Variants in ZAR1L observed in about 807,000 individuals in gnomAD.
The protein encoded by ZAR1L is zygote arrest 1 like.
A neutral mutation model predicts 30.0 loss-of-function variants in ZAR1L; 16 were observed. The ratio of observed to expected loss-of-function variants is 0.53; its 90% CI spans 0.36 to 0.81. ZAR1L has a LOEUF of 0.81. ZAR1L is among the 30% of genes least tolerant of loss of function. The pLI is 0.00. For missense variants in ZAR1L, 392 were observed against 417.2 expected, an observed-to-expected ratio of 0.94 and a Z score of 0.53; for synonymous variants, 197 against 166.8, an observed-to-expected ratio of 1.18 and a Z score of -1.40.
intron 4 of ZAR1L, among the ~76,000 whole-genome samples, chr13:32,309,581 T>G (rs1397435359): frequency 6.6e-6 from 1 of 152,230 alleles, no homozygotes; most frequent in Non-Finnish European, 1.5e-5. Flanking sequence ...AAATCCTGCT[T>G]GGACATCAAG....
intron 2 of ZAR1L, among the ~76,000 whole-genome samples, chr13:32,313,215 G>A (rs1264320317): frequency 6.6e-6 from 1 of 152,124 alleles, no homozygotes; most frequent in East Asian, 1.9e-4. Flanking sequence ...GAAATTTCAG[G>A]TGCTCTCACC....
intron 5 of ZAR1L, among the ~76,000 whole-genome samples, chr13:32,305,658 G>A (rs546480128): frequency 1.3e-5 from 2 of 152,292 alleles, no homozygotes; most frequent in Non-Finnish European, 2.9e-5. Flanking sequence ...AATAAAATAA[G>A]GATTTACCCT....
chr13:32,311,549 G>A lies in ZAR1L; in HGVS notation c.377C>T (p.Pro126Leu). 7 of 1,533,324 alleles carry A rather than the reference G, an allele frequency of 4.6e-6. No individual in the cohort carries two copies. Among genetic ancestry groups the A allele is most frequent in the Non-Finnish European group, 3.5e-6 (4 of 1,138,922 alleles). 95.0% of individuals were successfully genotyped at this position (1,533,324 alleles called of 1,614,324 possible). The change falls in exon 3 of 6, where the codon CCC becomes CTC. Residue 126 changes from proline to leucine, a missense_variant. Transcript: ENST00000533490. ...SPWDGRDPQEPLPACGVTSPA... is the reference protein window; with the variant it reads ...SPWDGRDPQELLPACGVTSPA... ...CGAAGTGACCCCACAGGCTGGCAGG[G>A]GCTCCTGGGGGTCTCTGCCGTCCCA...
At chr13:32,306,599 T>C (rs2072176979) in intron 5 of ZAR1L, among the ~76,000 whole-genome samples, 1 of 152,160 alleles carries the variant, frequency 6.6e-6, no homozygotes, top group South Asian at 2.1e-4. Flanking sequence ...ATTTCCAACC[T>C]AGAAATTCTA....
At chr13:32,310,567 G>T in intron 4 of ZAR1L, 72 bp downstream of exon 4, 1 of 1,034,234 alleles carries the variant, frequency 9.7e-7, no homozygotes, top group Non-Finnish European at 1.5e-6. Context: ...GCTCCCTCAG[G>T]AATCAGATTC....
chr13:32,309,149 C>A (rs575998736), intron 4 of ZAR1L, among the ~76,000 whole-genome samples: 11 of 151,978 alleles, frequency 7.2e-5, no homozygotes, highest in Non-Finnish European at 1.2e-4. Context: ...CGCCACCACA[C>A]CCGGCTAATT....
chr13:32,311,902 G>A lies in ZAR1L; in HGVS notation c.24C>T (p.Pro8=), dbSNP rs2072217067. 6.4e-7 allele frequency: 1 copy of A among 1,550,922 alleles called. No individual in the cohort carries two copies. The highest frequency in any genetic ancestry group is 1.2e-5 in the South Asian group (1 of 84,016). The change falls in exon 3 of 6, where the codon CCC becomes CCT. Residue 8 remains proline (P), a synonymous_variant. Coordinates refer to ENST00000533490, the MANE Select transcript of ZAR1L (RefSeq NM_001136571.2). MERFVRV[P]YGLYQGYGST... Reference sequence around the variant, plus strand: ...TCCCATAACCCTGGTACAAGCCATAGGGAACACGGACAAAGCGCTCCATCC... The same window carrying A: ...TCCCATAACCCTGGTACAAGCCATAAGGAACACGGACAAAGCGCTCCATCC...
At position 32,312,135 on chromosome 13, in the gene ZAR1L, C is replaced by T. The variant is rs117143116; in HGVS notation, c.-168-42G>A. On this transcript the variant is annotated intron_variant, in intron 2 of 5. Transcript: ENST00000533490. ...AGCTCTATCTACAGATGTCTAATTG[C>T]CACCTGATTCCTACCTAATTGCTTT... 2,846 of 558,644 alleles carry T rather than the reference C, an allele frequency of 5.1e-3. 15 individuals are homozygous for T. Among genetic ancestry groups the T allele is most frequent in the Non-Finnish European group, 7.0e-3 (2,328 of 331,486 alleles). 34.6% of individuals were successfully genotyped at this position (558,644 alleles called of 1,614,324 possible).
In ZAR1L at chr13:32,303,892, T is replaced by C. The variant is rs985199941; in HGVS notation, c.953A>G (p.Lys318Arg). 1 of 1,551,718 alleles carries C rather than the reference T, an allele frequency of 6.4e-7. No homozygotes were observed. The highest frequency in any genetic ancestry group is 8.7e-7 in the Non-Finnish European group (1 of 1,146,980). ...RFSCGNIYSF[K>R]YVM The stretch of plus-strand genomic sequence containing the variant: ...ACACTGTACAAGTCACATCACATAT[T>C]TAAAGCTGTAAATATTGCCACAGGA... Residue 318 changes from lysine to arginine, a missense_variant, in exon 6 of 6, where the codon AAA (lysine) becomes AGA (arginine). Transcript: ENST00000533490.
chr13:32,314,102 G>A (rs994021816), intron 2 of ZAR1L, among the ~76,000 whole-genome samples: 5 of 152,188 alleles, frequency 3.3e-5, no homozygotes, highest in African/African-American at 1.2e-4. Flanking sequence ...CAGGATTACT[G>A]TAAGATTAAA....
intron 4 of ZAR1L, among the ~76,000 whole-genome samples, chr13:32,310,316 C>G (rs2072203106): frequency 6.6e-6 from 1 of 152,220 alleles, no homozygotes; most frequent in Non-Finnish European, 1.5e-5. Flanking sequence ...TGGAAATTTC[C>G]TAGCGCTAAG....
At chr13:32,312,772 G>A (rs2138690775) in intron 2 of ZAR1L, among the ~76,000 whole-genome samples, 1 of 152,230 alleles carries the variant, frequency 6.6e-6, no homozygotes, top group East Asian at 1.9e-4. Context: ...CAGCTACTCG[G>A]GAGGCTGAGG....
chr13:32,311,638 G>A lies in ZAR1L; in HGVS notation c.288C>T (p.Ser96=), dbSNP rs1469518908. The change falls in exon 3 of 6, where the codon AGC becomes AGT. Residue 96 remains serine (S), a synonymous_variant. Transcript: ENST00000533490. ...ACTGCACAGCCTTGTCCACCCGCGG[G>A]CTCACCTGCACGCCCACCTCCTTGG... is the stretch of plus-strand genomic sequence containing the variant. The part of the protein sequence containing the change: ...PNTKEVGVQV[S]PRVDKAVQCS... 2.6e-6 allele frequency: 4 copies of A among 1,551,254 alleles called. No individual in the cohort carries two copies.
At chr13:32,309,254 A>G (rs776177343) in intron 4 of ZAR1L, among the ~76,000 whole-genome samples, 3 of 152,210 alleles carry the variant, frequency 2.0e-5, no homozygotes, top group Non-Finnish European at 4.4e-5. Flanking sequence ...GGCCTCCCAA[A>G]GTGCTGGGAT....
intron 5 of ZAR1L, among the ~76,000 whole-genome samples, chr13:32,307,332 G>A (rs1240768540): frequency 2.0e-5 from 3 of 151,046 alleles, no homozygotes; most frequent in Non-Finnish European, 4.4e-5. Context: ...AACCCTGTCT[G>A]TACTAAAAAT....
intron 5 of ZAR1L, among the ~76,000 whole-genome samples, chr13:32,307,897 G>A (rs1052252994): frequency 6.6e-6 from 1 of 152,118 alleles, no homozygotes; most frequent in Non-Finnish European, 1.5e-5. Context: ...CCTCCTCCTG[G>A]GTTCAAGCAA....
At chr13:32,304,419 T>G (rs1487533195) in intron 5 of ZAR1L, among the ~76,000 whole-genome samples, 1 of 152,190 alleles carries the variant, frequency 6.6e-6, no homozygotes, top group Non-Finnish European at 1.5e-5. Context: ...TTTAGATTTG[T>G]AGGCAGGTCA....
At chr13:32,308,854 CT>C in intron 4 of ZAR1L, 94 bp from the exon 5 acceptor site, 3 of 805,698 alleles carry the variant, frequency 3.7e-6, no homozygotes, top group East Asian at 2.7e-5. Flanking sequence ...TTGCATCTTG[CT>C]TTTACCAACT....
rs1202883675 is a variant in ZAR1L, at chr13:32,310,632, T to C, written c.747+7A>G. ...TCCTCCTCTCACCTCCTACTCTTTT[T>C]ATTTACCTTGTTCGTTCCAGAAATG... On this transcript the variant is annotated splice_region_variant and intron_variant, in intron 4 of 5. Coordinates refer to ENST00000533490, the MANE Select transcript of ZAR1L (RefSeq NM_001136571.2). The C allele has an allele frequency of 3.2e-6, 5 of 1,544,028 alleles. No individual in the cohort carries two copies. In the East Asian group the frequency reaches 1.2e-4, roughly 38 times the overall value.
Sources: gnomAD v4.1 joint callset for allele counts (sites outside exome capture counted in the v4.1 genomes callset) on GRCh38, gnomAD v4.1.1 for gene constraint, MANE v1.5 for transcripts, NCBI Gene and HGNC (gene_info 2026-07-23, HGNC 2026-07-21) for gene names.